Variants in MYO18B observed in about 807,000 individuals in gnomAD.
The protein encoded by MYO18B is myosin XVIIIB.
Under a neutral mutation model 273.0 loss-of-function variants are expected in MYO18B, and 204 were observed. That is an observed-to-expected ratio of 0.75 (90% CI 0.67 to 0.84). The LOEUF (loss-of-function observed/expected upper bound fraction) is 0.84. Ranked by LOEUF, MYO18B falls within the 40% of genes least tolerant of loss-of-function variation. The pLI is 0.00. For synonymous variants in MYO18B, 1,330 were observed against 1,305.7 expected, an observed-to-expected ratio of 1.02 and a Z score of -0.40; for missense variants, 3,212 against 3,287.6, an observed-to-expected ratio of 0.98 and a Z score of 0.56.
chr22:26,015,629 A>C (rs1031986142), intron 42 of MYO18B, among the ~76,000 whole-genome samples: 4 of 152,164 alleles, frequency 2.6e-5, no homozygotes, highest in Non-Finnish European at 5.9e-5. Flanking sequence ...AGAGGGGAAC[A>C]ACACACACTG....
chr22:26,004,862 G>A lies in MYO18B; in HGVS notation c.6470+7G>A. The A allele has an allele frequency of 5.0e-6, 8 of 1,613,342 alleles. No individual in the cohort carries two copies. The highest frequency in any genetic ancestry group is 5.9e-6 in the Non-Finnish European group (7 of 1,179,536). ...GCCGCATCCTCAGCCCCAGGTAAGA[G>A]TATCTCCTTGCTGCCTCTGGATGGC... On this transcript the variant is annotated splice_region_variant and intron_variant, in intron 42 of 43. Coordinates refer to ENST00000335473, the MANE Select transcript of MYO18B (RefSeq NM_032608.7).
In MYO18B at chr22:26,026,509, T is replaced by C; in HGVS notation, c.6535T>C (p.Ser2179Pro). Residue 2179 changes from serine to proline, a missense_variant, in exon 43 of 44, where the codon TCC becomes CCC. By Grantham distance (74) the Ser-to-Pro change is moderately conservative (BLOSUM62 -1). Transcript: ENST00000335473. Reference sequence around the variant, plus strand: ...GGCATTGGCACTGAGCAGAGCCCGGTCCACCAATGTCCACAGCAAGACCTC... The same window carrying C: ...GGCATTGGCACTGAGCAGAGCCCGGCCCACCAATGTCCACAGCAAGACCTC... ...QSALALSRAR[S>P]TNVHSKTSGD... The C allele has an allele frequency of 3.1e-6, 5 of 1,613,808 alleles. No homozygotes were observed. The highest frequency in any genetic ancestry group is 2.5e-6 in the Non-Finnish European group (3 of 1,179,854).
rs1326682119 is a variant in MYO18B at position 25,883,734 on chromosome 22, T to TA, written c.4314+5690dup. The TA allele has an allele frequency of 6.6e-6, 1 of 152,174 alleles. No individual in the cohort carries two copies. Among genetic ancestry groups the TA allele is most frequent in the Non-Finnish European group, 1.5e-5 (1 of 68,030 alleles). The allele number at this position is 152,174 out of a possible 1,614,324, so 9.4% of individuals were successfully genotyped here. A position where few individuals can be genotyped will look rare whatever the true frequency, so the allele number is the denominator to read the frequency against. The stretch of plus-strand genomic sequence containing the variant: ...GGAGAAACAGTAATATAAACATTGC[T>TA]AAAACGTGTCGTGTCTCGTCAGTGA... On this transcript the variant is annotated intron_variant, in intron 25 of 43. Transcript: ENST00000335473. This position sits in a 1 kb window ranked among gnomAD's most constrained non-coding sequence, Gnocchi z 7.6.
chr22:25,980,375 G>T (rs2093136707), intron 39 of MYO18B, among the ~76,000 whole-genome samples: 1 of 152,198 alleles, frequency 6.6e-6, no homozygotes, highest in Non-Finnish European at 1.5e-5. Context: ...AAAATAAGAA[G>T]AGAAAGGAAA....
intron 41 of MYO18B, among the ~76,000 whole-genome samples, chr22:26,004,212 T>C (rs1341249245): frequency 6.6e-6 from 1 of 152,094 alleles, no homozygotes; most frequent in East Asian, 1.9e-4. Flanking sequence ...TGAGGACCTG[T>C]GACGACCCCC....
intron 40 of MYO18B, among the ~76,000 whole-genome samples, chr22:25,997,779 T>C (rs1569278688): frequency 2.6e-5 from 4 of 152,086 alleles, no homozygotes; most frequent in African/African-American, 9.7e-5. Flanking sequence ...GTCTATAGTC[T>C]CCACTTGCTA....
At chr22:25,875,591 T>G (rs2091169668) in intron 23 of MYO18B, among the ~76,000 whole-genome samples, 2 of 152,184 alleles carry the variant, frequency 1.3e-5, no homozygotes, top group South Asian at 4.1e-4. Context: ...CCTGGGGATT[T>G]GTTAGAAATG....
At chr22:25,836,644 C>G (rs1280504168) in intron 17 of MYO18B, among the ~76,000 whole-genome samples, 1 of 152,078 alleles carries the variant, frequency 6.6e-6, no homozygotes, top group Non-Finnish European at 1.5e-5. Context: ...ACTCAGATCC[C>G]TACAACACTA....
intron 31 of MYO18B, 71 bp downstream of exon 31, chr22:25,903,902 A>C: frequency 6.7e-7 from 1 of 1,487,962 alleles, no homozygotes; most frequent in Non-Finnish European, 9.1e-7. Context: ...ATTAAAATAC[A>C]ATGTGGGTGC....
chr22:25,873,492 G>T (rs1357054746), intron 22 of MYO18B, among the ~76,000 whole-genome samples: 1 of 152,136 alleles, frequency 6.6e-6, no homozygotes, highest in African/African-American at 2.4e-5. Context: ...CTGGGCTGGA[G>T]TGCAATGGCA....
In MYO18B at chr22:25,876,229, C is replaced by T; in HGVS notation, c.4121C>T (p.Ala1374Val). Reference sequence around the variant, plus strand: ...GCACAGTGCATCCAGAAGAATGTGGCTGTGTTCCTCGCAGTCAAGGACTGG... The same window carrying T: ...GCACAGTGCATCCAGAAGAATGTGGTTGTGTTCCTCGCAGTCAAGGACTGG... ...LAAQCIQKNV[A>V]VFLAVKDWPW... The change falls in exon 24 of 44, where the codon GCT becomes GTT. Residue 1374 changes from alanine (A) to valine (V), a missense_variant. By Grantham distance (64) the Ala-to-Val change is moderately conservative. Coordinates refer to ENST00000335473, the MANE Select transcript of MYO18B (RefSeq NM_032608.7). The T allele has an allele frequency of 6.2e-7, 1 of 1,613,396 alleles. No individual in the cohort carries two copies. Among genetic ancestry groups the T allele is most frequent in the Non-Finnish European group, 8.5e-7 (1 of 1,179,656 alleles).
chr22:25,939,095 A>G (rs9620572), intron 34 of MYO18B, among the ~76,000 whole-genome samples: 46,160 of 152,220 alleles, frequency 0.3, 8,869 homozygotes, highest in Non-Finnish European at 0.44. Flanking sequence ...GATTACAGGC[A>G]TAAGCCACCA....
chr22:25,766,468 G>T (rs917408598), intron 3 of MYO18B, among the ~76,000 whole-genome samples: 1 of 152,176 alleles, frequency 6.6e-6, no homozygotes, highest in South Asian at 2.1e-4. Context: ...AACGCAGAAG[G>T]TGGCCACGCT....
chr22:26,029,270 G>C (rs1363893240), intron 43 of MYO18B, among the ~76,000 whole-genome samples: 1 of 152,104 alleles, frequency 6.6e-6, no homozygotes, highest in Admixed American at 6.5e-5. Context: ...TGGCTCTCAG[G>C]GTGCACCTGC....
chr22:25,838,889 ATC>A (rs1442223854), intron 17 of MYO18B, among the ~76,000 whole-genome samples: 3 of 137,402 alleles, frequency 2.2e-5, no homozygotes, highest in Non-Finnish European at 3.2e-5. Flanking sequence ...ATATATATAT[ATC>A]TGTGTCTATA....
At chr22:25,969,420 T>C (rs1192324384) in intron 39 of MYO18B, among the ~76,000 whole-genome samples, 1 of 152,226 alleles carries the variant, frequency 6.6e-6, no homozygotes, top group East Asian at 1.9e-4. Flanking sequence ...AAAATACAGC[T>C]TGATAACCTA....
At chr22:25,787,732 A>G (rs2087463123) in intron 11 of MYO18B, among the ~76,000 whole-genome samples, 1 of 152,044 alleles carries the variant, frequency 6.6e-6, no homozygotes, top group Admixed American at 6.5e-5. Context: ...TGCTAAACCA[A>G]ATACTAGGGG....
rs1376013329 is a variant in MYO18B at position 25,743,504 on chromosome 22, AAGG to A, written c.-110+1222_-110+1224del. On this transcript the variant is annotated intron_variant, in intron 1 of 43. Transcript: ENST00000335473. ...AGGAGGAGGAGAAGGAGAAGAAGAGAAGGAGGAGGAGGAAAAAAGCAGGAGGAG... is the reference window on the plus strand; with the variant it reads ...AGGAGGAGGAGAAGGAGAAGAAGAGAAGGAGGAGGAAAAAAGCAGGAGGAG... Among the ~76,000 whole-genome samples the A allele has an allele frequency of 2.0e-5, 3 of 151,616 alleles. No individual in the cohort carries two copies. In the East Asian group the frequency reaches 5.8e-4, roughly 29 times the overall value.
At chr22:25,936,908 C>G (rs2092585601) in intron 34 of MYO18B, among the ~76,000 whole-genome samples, 1 of 152,132 alleles carries the variant, frequency 6.6e-6, no homozygotes, top group South Asian at 2.1e-4. Flanking sequence ...TCCCCAAAGC[C>G]TCATCTCCTA....
Sources: allele counts gnomAD v4.1 joint callset (sites outside exome capture counted in the v4.1 genomes callset), GRCh38; gene constraint gnomAD v4.1.1; non-coding constraint Gnocchi (gnomAD v3.1); transcripts MANE v1.5; gene names NCBI Gene and HGNC (gene_info 2026-07-23, HGNC 2026-07-21).